STK3: variants seen among roughly 807,000 people sequenced by gnomAD.
The protein encoded by STK3 is serine/threonine kinase 3, also known as serine/threonine-protein kinase 3.
Under a neutral mutation model 58.0 loss-of-function variants are expected in STK3, and 41 were observed. That is an observed-to-expected ratio of 0.71 (90% CI 0.55 to 0.92). The LOEUF (loss-of-function observed/expected upper bound fraction) is 0.92, where lower values mean the gene tolerates loss of function less well. Ranked by LOEUF, STK3 falls within the 40% of genes least tolerant of loss-of-function variation. STK3 has a pLI of 0.00. For missense variants in STK3, 479 were observed against 602.7 expected (o/e 0.79, Z 2.15); for synonymous variants, 170 against 191.0 (o/e 0.89, Z 0.91).
intron 3 of STK3, chr8:98,429,429 A>G: frequency 6.4e-7 from 1 of 1,553,114 alleles, no homozygotes; most frequent in East Asian, 2.2e-5. Flanking sequence ...AGGACTTGTC[A>G]CCCTCCACCC....
chr8:98,471,871 C>A (rs1156909975), intron 10 of STK3, among the ~76,000 whole-genome samples: 1 of 152,128 alleles, frequency 6.6e-6, no homozygotes, highest in Non-Finnish European at 1.5e-5. Context: ...TGTTTAAAAT[C>A]CCATGGGTGT....
intron 10 of STK3, among the ~76,000 whole-genome samples, chr8:98,486,504 T>C (rs1822273973): frequency 6.6e-6 from 1 of 152,204 alleles, no homozygotes; most frequent in African/African-American, 2.4e-5. Context: ...TGAACCAGGC[T>C]ACTCACAACT....
At chr8:98,669,675 C>A (rs1007314612) in intron 6 of STK3, among the ~76,000 whole-genome samples, 1 of 152,144 alleles carries the variant, frequency 6.6e-6, no homozygotes, top group East Asian at 1.9e-4. Context: ...AATGAACACC[C>A]GGAATACAGG....
chr8:98,926,546 T>TAC (rs1839805591), intron 1 of STK3, among the ~76,000 whole-genome samples: 1 of 151,696 alleles, frequency 6.6e-6, no homozygotes, highest in Non-Finnish European at 1.5e-5. Flanking sequence ...AGTAAAACAA[T>TAC]ACACACACAT....
intron 6 of STK3, among the ~76,000 whole-genome samples, chr8:98,655,983 G>T (rs1477200302): frequency 6.6e-6 from 1 of 152,134 alleles, no homozygotes; most frequent in East Asian, 1.9e-4. Flanking sequence ...TCCCATTACT[G>T]GGTATATACC....
intron 4 of STK3, among the ~76,000 whole-genome samples, chr8:98,713,196 T>G (rs1259491159): frequency 6.6e-6 from 1 of 152,034 alleles, no homozygotes; most frequent in Non-Finnish European, 1.5e-5. Flanking sequence ...AGATCTAAAA[T>G]TGACACCCTA....
chr8:98,354,048 T>TGGTGTCCTAAA, the STK3 span, among the ~76,000 whole-genome samples: 1 of 152,198 alleles, frequency 6.6e-6, no homozygotes, highest in Non-Finnish European at 1.5e-5. Flanking sequence ...TCCCTTTGTG[T>TGGTGTCCTAAA]GGTGTCCTAA....
chr8:98,687,556 G>A lies in STK3; in HGVS notation c.684+18911C>T, dbSNP rs917895563. ...AGTTGGGGGACCCCTGTTCTAAAGG[G>A]AAACCCATCAGACTAACAGTAGACT... On this transcript the variant is annotated intron_variant, in intron 6 of 10. Coordinates refer to ENST00000419617, the MANE Select transcript of STK3 (RefSeq NM_006281.4). Among the ~76,000 whole-genome samples, 4 of 152,148 alleles carry A rather than the reference G, an allele frequency of 2.6e-5. No homozygotes were observed. In the East Asian group the frequency reaches 5.8e-4, roughly 22 times the overall value.
Position 98,895,149 on chromosome 8 carries a change from G to GCTCCC in STK3, c.-78-11316_-78-11315insGGGAG, listed in dbSNP as rs538196645. On this transcript the variant is annotated intron_variant, in intron 1 of 1. Transcript: ENST00000519420. ...GATGTTTATCTGCTCCCTGTGCCAG[G>GCTCCC]TAAAGGGCCACAAAGGGATTAAAGT... Among the ~76,000 whole-genome samples, 292 of 152,296 alleles carry GCTCCC rather than the reference G, an allele frequency of 1.9e-3. 1 individual carries two copies. The highest frequency in any genetic ancestry group is 6.3e-3 in the African/African-American group (262 of 41,562).
rs1262347686 is a variant in STK3, at chr8:98,893,422, GA to G, written c.-78-9589del. 2.9e-3 allele frequency among the ~76,000 whole-genome samples: 159 copies of G among 54,100 alleles called. 2 individuals carry two copies. Among genetic ancestry groups the G allele is most frequent in the African/African-American group, 3.1e-3 (43 of 13,954 alleles). 35.5% of individuals were successfully genotyped at this position (54,100 alleles called of 152,430 possible). On this transcript the variant is annotated intron_variant, in intron 1 of 1. Transcript: ENST00000519420. Reference sequence around the variant, plus strand: ...AGAAAGAAAGAAGGAAGGAAGGAAGGAAAGAAAGAAAGAAAGAAAGAAAGAA... The same window carrying G: ...AGAAAGAAAGAAGGAAGGAAGGAAGGAAGAAAGAAAGAAAGAAAGAAAGAA...
At chr8:98,782,255 G>T in intron 1 of STK3, 1 of 171,184 alleles carries the variant, frequency 5.8e-6, no homozygotes. Flanking sequence ...CCTGCCAGAA[G>T]GGCAGGTACA....
At chr8:98,860,554 T>C (rs910158410) in intron 3 of STK3, among the ~76,000 whole-genome samples, 2 of 152,114 alleles carry the variant, frequency 1.3e-5, no homozygotes, top group Admixed American at 6.5e-5. Context: ...TCAACCCTCA[T>C]AGCCCAACAG....
chr8:98,695,059 G>A (rs982036151), intron 6 of STK3, among the ~76,000 whole-genome samples: 1 of 152,176 alleles, frequency 6.6e-6, no homozygotes, highest in African/African-American at 2.4e-5. Flanking sequence ...GGTGTGAGAT[G>A]GTGTCTCATT....
rs1279473488 is a variant in STK3 at position 98,447,610 on chromosome 8, CTATA to C, written n.186-10406_186-10403del. On this transcript the variant is annotated intron_variant and non_coding_transcript_variant, in intron 1 of 3. Transcript: ENST00000517832. Reference sequence around the variant, plus strand: ...TATATAGTATCTATATATTGCAATACTATATATAGTATCTATATATTGCAATACT... The same window carrying C: ...TATATAGTATCTATATATTGCAATACTATAGTATCTATATATTGCAATACT... Among the ~76,000 whole-genome samples, 6 of 143,094 alleles carry C rather than the reference CTATA, an allele frequency of 4.2e-5. No homozygotes were observed. The East Asian group carries it at 1.0e-3, about 24-fold the overall frequency. 93.9% of individuals were successfully genotyped at this position (143,094 alleles called of 152,430 possible).
intron 6 of STK3, among the ~76,000 whole-genome samples, chr8:98,630,724 GAGGAGAAGA>G (rs992071504): frequency 2.9e-4 from 42 of 146,850 alleles, no homozygotes; most frequent in Non-Finnish European, 4.9e-4. Flanking sequence ...GGAGGAGAAG[GAGGAGAAGA>G]AGGAGAAGAA....
At chr8:98,869,113 G>A (rs1382148631) in intron 3 of STK3, among the ~76,000 whole-genome samples, 2 of 151,636 alleles carry the variant, frequency 1.3e-5, no homozygotes, top group Non-Finnish European at 1.5e-5. Context: ...AAGAAAAGGA[G>A]TCTTTGTTGA....
In STK3 at chr8:98,454,828, A is replaced by C. The variant is rs944902238; in HGVS notation, c.*1014T>G. ...TTTAATCTTTTTTTTTTCAGTCCCC[A>C]AGGCTTGTACCACTCAGTACAAATG... On this transcript the variant is annotated 3_prime_UTR_variant, in exon 11 of 11. Transcript: ENST00000419617. 6.6e-6 allele frequency: 1 copy of C among 152,442 alleles called. No individual in the cohort carries two copies. The highest frequency in any genetic ancestry group is 2.4e-5 in the African/African-American group (1 of 41,408). The allele number at this position is 152,442 out of a possible 1,614,324, so 9.4% of individuals were successfully genotyped here. A position where few individuals can be genotyped will look rare whatever the true frequency, so the allele number is the denominator to read the frequency against.
chr8:98,513,861 T>C (rs1356637213), intron 10 of STK3, among the ~76,000 whole-genome samples: 1 of 151,128 alleles, frequency 6.6e-6, no homozygotes, highest in East Asian at 1.9e-4. Context: ...AGGGGAGGAG[T>C]TTGAACTTAT....
At chr8:98,685,676 T>C (rs987712660) in intron 6 of STK3, among the ~76,000 whole-genome samples, 1 of 151,994 alleles carries the variant, frequency 6.6e-6, no homozygotes, top group Non-Finnish European at 1.5e-5. Context: ...GATGATCCCA[T>C]TTCTCCCACT....
Sources: gnomAD v4.1 joint callset for allele counts (sites outside exome capture counted in the v4.1 genomes callset) on GRCh38, gnomAD v4.1.1 for gene constraint, MANE v1.5 for transcripts, NCBI Gene and HGNC (gene_info 2026-07-23, HGNC 2026-07-21) for gene names.